FOCAD: variants seen among roughly 807,000 people sequenced by gnomAD.
FOCAD encodes KIAA1797.
A neutral mutation model predicts 225.6 loss-of-function variants in FOCAD; 198 were observed. That is an observed-to-expected ratio of 0.88 (90% CI 0.78 to 0.99). The LOEUF is 0.99. Ranked by LOEUF, FOCAD falls within the 50% of genes least tolerant of loss-of-function variation. The pLI is 0.00. For missense variants in FOCAD, 2,713 were observed against 2,123.6 expected (o/e 1.28, Z -5.46); for synonymous variants, 897 against 755.0 (o/e 1.19, Z -3.08).
At chr9:20,811,897 T>G (rs796977753) in intron 11 of FOCAD, among the ~76,000 whole-genome samples, 20 of 152,218 alleles carry the variant, frequency 1.3e-4, no homozygotes, top group African/African-American at 4.8e-4. Context: ...TATGTTTCTG[T>G]ATATATCATG....
intron 35 of FOCAD, among the ~76,000 whole-genome samples, chr9:20,968,503 G>A (rs1237296184): frequency 2.8e-5 from 4 of 141,194 alleles, no homozygotes; most frequent in Admixed American, 2.3e-4. Context: ...GTACAATGGC[G>A]TGATCTCAGC....
chr9:20,848,607 G>T (rs1323876897), intron 15 of FOCAD, among the ~76,000 whole-genome samples: 1 of 151,836 alleles, frequency 6.6e-6, no homozygotes, highest in East Asian at 1.9e-4. Context: ...TCATTTTGGG[G>T]TATCATTTTC....
At chr9:20,846,311 C>G (rs1349125031) in intron 15 of FOCAD, among the ~76,000 whole-genome samples, 1 of 152,110 alleles carries the variant, frequency 6.6e-6, no homozygotes, top group Non-Finnish European at 1.5e-5. Context: ...TGCACAGAAT[C>G]AAAGGGAACT....
chr9:20,938,692 C>G (rs1836285275), intron 28 of FOCAD, among the ~76,000 whole-genome samples: 1 of 151,784 alleles, frequency 6.6e-6, no homozygotes, highest in Admixed American at 6.6e-5. Context: ...AGCTAACCTG[C>G]ACATTGTGCA....
intron 8 of FOCAD, among the ~76,000 whole-genome samples, chr9:20,776,781 T>A (rs1422889769): frequency 5.3e-5 from 8 of 152,240 alleles, no homozygotes; most frequent in African/African-American, 1.4e-4. Context: ...CAGCAGTGCT[T>A]TTCTTTGTTG....
At chr9:20,759,719 G>A (rs1396967256) in intron 6 of FOCAD, among the ~76,000 whole-genome samples, 3 of 152,166 alleles carry the variant, frequency 2.0e-5, no homozygotes, top group Non-Finnish European at 4.4e-5. Context: ...AAATCTACCA[G>A]ATTTATTGGT....
At chr9:20,965,146 T>C (rs1229124315) in intron 35 of FOCAD, among the ~76,000 whole-genome samples, 1 of 152,172 alleles carries the variant, frequency 6.6e-6, no homozygotes, top group African/African-American at 2.4e-5. Flanking sequence ...CTCTTTTATA[T>C]GGAAAAGTAT....
At chr9:20,869,415 A>G (rs1287589582) in intron 18 of FOCAD, among the ~76,000 whole-genome samples, 2 of 152,196 alleles carry the variant, frequency 1.3e-5, no homozygotes, top group Admixed American at 6.6e-5. Context: ...TTTTTAAAGT[A>G]CTGATTTTCT....
chr9:20,760,145 T>G (rs1008316461), intron 6 of FOCAD, among the ~76,000 whole-genome samples: 4 of 152,218 alleles, frequency 2.6e-5, no homozygotes, highest in African/African-American at 4.8e-5. Flanking sequence ...CTCAGAAGGA[T>G]ATATCAAGAG....
chr9:20,681,319 AC>A (rs1200147973), upstream of FOCAD, among the ~76,000 whole-genome samples: 1 of 151,810 alleles, frequency 6.6e-6, no homozygotes, highest in Non-Finnish European at 1.5e-5. Context: ...ATGGTCTTGA[AC>A]TCCTGGCCTC....
chr9:20,782,447 A>C (rs554051891), intron 10 of FOCAD, among the ~76,000 whole-genome samples: 12 of 152,046 alleles, frequency 7.9e-5, no homozygotes, highest in Non-Finnish European at 4.4e-5. Flanking sequence ...GCTGCCTCCA[A>C]CTGGAAGACA....
At chr9:20,888,607 T>C (rs1245123007) in intron 21 of FOCAD, among the ~76,000 whole-genome samples, 2 of 152,188 alleles carry the variant, frequency 1.3e-5, no homozygotes, top group African/African-American at 4.8e-5. Flanking sequence ...CTTTTAGAAA[T>C]TGAGGTATGG....
intron 35 of FOCAD, among the ~76,000 whole-genome samples, chr9:20,969,778 C>A (rs1314105656): frequency 1.3e-5 from 2 of 150,972 alleles, no homozygotes; most frequent in South Asian, 2.1e-4. Flanking sequence ...ATTACCTTTA[C>A]CAGAATTCTT....
chr9:20,691,307 T>A (rs1376259281), intron 1 of FOCAD, among the ~76,000 whole-genome samples: 1 of 152,116 alleles, frequency 6.6e-6, no homozygotes, highest in Non-Finnish European at 1.5e-5. Context: ...CTGGTTTTCC[T>A]CCTACGTCAT....
intron 1 of FOCAD, among the ~76,000 whole-genome samples, chr9:20,695,333 C>T (rs899823054): frequency 1.3e-4 from 20 of 152,016 alleles, no homozygotes; most frequent in African/African-American, 3.9e-4. Context: ...CATCCTGATC[C>T]CTCTAATATA....
Position 20,973,553 on chromosome 9 carries a change from C to G in FOCAD, c.4133-2867C>G, listed in dbSNP as rs544165247. ...GCATCTGTTCATGGCCTCTGCTTCT[C>G]CTTTTTCCTATGTTTCTCCTTTCTG... On this transcript the variant is annotated intron_variant, in intron 35 of 43. Transcript: ENST00000338382. Among the ~76,000 whole-genome samples the G allele has an allele frequency of 1.1e-4, 16 of 150,816 alleles. No homozygotes were observed. The South Asian group carries it at 3.4e-3, about 32-fold the overall frequency.
intron 4 of FOCAD, among the ~76,000 whole-genome samples, chr9:20,725,095 C>T (rs1365347096): frequency 1.3e-5 from 2 of 152,184 alleles, no homozygotes; most frequent in East Asian, 3.8e-4. Context: ...ATTGCTTGAA[C>T]CTGGAAGCAG....
chr9:20,724,807 C>T (rs191078066), intron 4 of FOCAD, among the ~76,000 whole-genome samples: 1 of 152,086 alleles, frequency 6.6e-6, no homozygotes, highest in Non-Finnish European at 1.5e-5. Context: ...ACTCAAATAG[C>T]CTCCTCCTCC....
chr9:20,700,548 A>T (rs1019443608), intron 1 of FOCAD, among the ~76,000 whole-genome samples: 15 of 152,010 alleles, frequency 9.9e-5, no homozygotes, highest in African/African-American at 3.4e-4. Context: ...AAAAAAAAAA[A>T]CTGGGAGTTT....
Sources: gnomAD v4.1 joint callset for allele counts (sites outside exome capture counted in the v4.1 genomes callset) on GRCh38, gnomAD v4.1.1 for gene constraint, MANE v1.5 for transcripts, NCBI Gene and HGNC (gene_info 2026-07-23, HGNC 2026-07-21) for gene names.